The following FRAS1 variants were observed in gnomAD, a reference collection of about 807,000 sequenced individuals.
FRAS1 encodes extracellular matrix organizing protein FRAS1.
A neutral mutation model predicts 435.2 loss-of-function variants in FRAS1; 290 were observed. That is an observed-to-expected ratio of 0.67 (90% confidence interval 0.61 to 0.73). The LOEUF is 0.73. Among genes scored for constraint, FRAS1 ranks in the 30% least tolerant of loss-of-function variants. The pLI, the probability that FRAS1 is intolerant of heterozygous loss-of-function variation, is 0.00. For synonymous variants in FRAS1, 1,800 were observed against 1,851.0 expected (o/e 0.97, Z 0.71); for missense variants, 4,860 against 5,001.5 (o/e 0.97, Z 0.85).
intron 53 of FRAS1, 69 bp downstream of exon 53, chr4:78,473,666 A>C (rs762932674): frequency 4.7e-6 from 6 of 1,282,296 alleles, no homozygotes; most frequent in South Asian, 1.5e-5. Context: ...AGGATGAAGG[A>C]TGCTGGGGGG....
At chr4:78,382,238 T>C (rs888789711) in intron 27 of FRAS1, among the ~76,000 whole-genome samples, 2 of 151,732 alleles carry the variant, frequency 1.3e-5, no homozygotes, top group Non-Finnish European at 2.9e-5. Context: ...ACCCTTTCTT[T>C]TTTCAGGGGT....
At chr4:78,147,752 C>G (rs771524414) in intron 2 of FRAS1, among the ~76,000 whole-genome samples, 4 of 152,172 alleles carry the variant, frequency 2.6e-5, no homozygotes, top group African/African-American at 2.4e-5. Flanking sequence ...GAGCGAGCAA[C>G]TCTTGTCACT....
intron 19 of FRAS1, among the ~76,000 whole-genome samples, chr4:78,336,430 C>T (rs771041450): frequency 1.3e-5 from 2 of 152,126 alleles, no homozygotes; most frequent in South Asian, 2.1e-4. Flanking sequence ...TGCCTCTTTC[C>T]GCTGGGAGCC....
chr4:78,347,180 A>T (rs1730638339), intron 20 of FRAS1, among the ~76,000 whole-genome samples: 1 of 152,194 alleles, frequency 6.6e-6, no homozygotes, highest in Admixed American at 6.5e-5. Flanking sequence ...CAATTGGCAC[A>T]ATTCAAAACC....
At chr4:78,119,305 G>A (rs1718876103) in intron 2 of FRAS1, among the ~76,000 whole-genome samples, 1 of 152,012 alleles carries the variant, frequency 6.6e-6, no homozygotes, top group South Asian at 2.1e-4. Context: ...CTGTAATTTT[G>A]TATCCTTTAA....
At chr4:78,070,262 T>G (rs1473528007) in intron 2 of FRAS1, among the ~76,000 whole-genome samples, 4 of 118,700 alleles carry the variant, frequency 3.4e-5, no homozygotes, top group Non-Finnish European at 5.6e-5. Flanking sequence ...AGTGTATATA[T>G]ATATATATAT....
At chr4:78,540,367 A>G (rs2109911206) in intron 73 of FRAS1, among the ~76,000 whole-genome samples, 164 bp from the exon 74 acceptor site, 1 of 152,346 alleles carries the variant, frequency 6.6e-6, no homozygotes, top group Non-Finnish European at 1.5e-5. Context: ...AATAGAACCC[A>G]TATCTGGTTC....
chr4:78,473,724 TA>T, intron 53 of FRAS1, 127 bp downstream of exon 53: 1 of 617,944 alleles, frequency 1.6e-6, no homozygotes. Context: ...ATGGCAGTGA[TA>T]AAAGTAATAA....
rs148117163 is a variant in FRAS1 at position 78,156,724 on chromosome 4, G to A, written c.109-80786G>A. On this transcript the variant is annotated intron_variant, in intron 2 of 73. Transcript: ENST00000512123. ...TGAATTGAATGATTCTAAGTGTTAC[G>A]CAATTAGCAAAAGATGTCTAACAAT... Among the ~76,000 whole-genome samples, 1,520 of 152,188 alleles carry A rather than the reference G, an allele frequency of 1.0e-2. 18 individuals are homozygous for A. The highest frequency in any genetic ancestry group is 0.032 in the East Asian group (166 of 5,182).
chr4:78,472,949 C>T (rs1045205383), intron 52 of FRAS1, among the ~76,000 whole-genome samples: 7 of 152,138 alleles, frequency 4.6e-5, no homozygotes, highest in Non-Finnish European at 8.8e-5. Flanking sequence ...ATTGTATGTT[C>T]TCTCCTCACA....
chr4:78,372,686 G>A (rs1272819690), intron 23 of FRAS1, 32 bp from the exon 24 acceptor site: 1 of 1,610,306 alleles, frequency 6.2e-7, no homozygotes, highest in Non-Finnish European at 8.5e-7. Flanking sequence ...TGGACAGAAA[G>A]GAAGATAATC....
Position 78,108,851 on chromosome 4 carries a change from A to C in FRAS1, c.108+42835A>C, listed in dbSNP as rs1742534434. Among the ~76,000 whole-genome samples the C allele has an allele frequency of 1.5e-5, 2 of 130,006 alleles. 1 individual carries two copies. The highest frequency in any genetic ancestry group is 3.2e-5 in the Non-Finnish European group (2 of 61,618). 85.3% of individuals were successfully genotyped at this position (130,006 alleles called of 152,430 possible). A position where few individuals can be genotyped will look rare whatever the true frequency, so the allele number is the denominator to read the frequency against. ...GGATCAACAAAATTGATAGACCGCT[A>C]GCAAGATGACAAAGAAAAAAAGAGA... On this transcript the variant is annotated intron_variant, in intron 2 of 73. Transcript: ENST00000512123.
At chr4:78,167,991 A>G (rs1721402699) in intron 2 of FRAS1, among the ~76,000 whole-genome samples, 1 of 152,066 alleles carries the variant, frequency 6.6e-6, no homozygotes, top group African/African-American at 2.4e-5. Context: ...GATTCATTGA[A>G]GCAATTCTCC....
At chr4:78,467,942 T>C (rs551210475) in intron 50 of FRAS1, among the ~76,000 whole-genome samples, 2 of 152,318 alleles carry the variant, frequency 1.3e-5, no homozygotes, top group East Asian at 1.9e-4. Context: ...TCCTGTAGAG[T>C]TGTTTAAGTT....
rs1054275512 is a variant in FRAS1, at chr4:78,307,990, T to G, written c.1535-76T>G. The G allele has an allele frequency of 4.9e-6, 7 of 1,437,534 alleles. No homozygotes were observed. In the African/African-American group the frequency reaches 1.0e-4, roughly 21 times the overall value. 89.0% of individuals were successfully genotyped at this position (1,437,534 alleles called of 1,614,324 possible). On this transcript the variant is annotated intron_variant, in intron 14 of 73. Transcript: ENST00000512123. ...CAACTGACATCCTCCTTGTGTATTC[T>G]AAAATATTTAAAAGAAAAATGATGA...
intron 55 of FRAS1, 87 bp downstream of exon 55, chr4:78,478,148 C>T (rs540912534): frequency 1.4e-5 from 19 of 1,374,174 alleles, no homozygotes; most frequent in African/African-American, 1.3e-4. Context: ...TCATCTCATG[C>T]ATTATCTTAA....
At position 78,315,647 on chromosome 4, in the gene FRAS1, T is replaced by C; in HGVS notation, c.1732T>C (p.Cys578Arg). 6.2e-7 allele frequency: 1 copy of C among 1,613,932 alleles called. No homozygotes were observed. Among genetic ancestry groups the C allele is most frequent in the South Asian group, 1.1e-5 (1 of 91,068 alleles). The change falls in exon 16 of 74, where the codon TGT becomes CGT. Residue 578 changes from cysteine to arginine, a missense_variant. Physicochemically the swap from Cys to Arg is radical, Grantham distance 180. Transcript: ENST00000512123. ...CGPSSPRCLT[C>R]TEKTVLHDGK... ...CCCCAGTAGCCCCAGGTGTCTTACCTGTACTGAGAAGACAGTGCTGCATGA... is the reference window on the plus strand; with the variant it reads ...CCCCAGTAGCCCCAGGTGTCTTACCCGTACTGAGAAGACAGTGCTGCATGA...
chr4:78,387,504 C>T lies in FRAS1; in HGVS notation c.3778C>T (p.Pro1260Ser). 6.2e-7 allele frequency: 1 copy of T among 1,613,768 alleles called. No homozygotes were observed. The highest frequency in any genetic ancestry group is 8.5e-7 in the Non-Finnish European group (1 of 1,179,828). Residue 1260 changes from proline (P) to serine (S), a missense_variant, in exon 29 of 74, where the codon CCA becomes TCA. Coordinates refer to ENST00000512123, the MANE Select transcript of FRAS1 (RefSeq NM_025074.7). ...TGTGGTCATTGAAATAATCGATCCT[C>T]CACTTCATGGCCAATTGCTTCAGAC... is the stretch of plus-strand genomic sequence containing the variant. Reference protein sequence around the residue: ...QDVVIEIIDPPLHGQLLQTLQ... With the variant: ...QDVVIEIIDPSLHGQLLQTLQ...
intron 41 of FRAS1, among the ~76,000 whole-genome samples, chr4:78,442,194 C>T (rs1734686808): frequency 6.6e-6 from 1 of 152,220 alleles, no homozygotes. Context: ...CCCATCTTTC[C>T]TTTCAATGTG....
Sources: gnomAD v4.1 joint callset for allele counts (sites outside exome capture counted in the v4.1 genomes callset) on GRCh38, gnomAD v4.1.1 for gene constraint, MANE v1.5 for transcripts, NCBI Gene and HGNC (gene_info 2026-07-23, HGNC 2026-07-21) for gene names.